The following ENOX2 variants were observed in gnomAD, a reference collection of about 807,000 sequenced individuals.
The protein encoded by ENOX2 is ecto-NOX disulfide-thiol exchanger 2.
In ENOX2, 36 loss-of-function variants were observed where a neutral mutation model predicts 45.0. That is an observed-to-expected ratio of 0.80 (90% CI 0.61 to 1.06). The LOEUF (loss-of-function observed/expected upper bound fraction) is 1.06, where lower values mean the gene tolerates loss of function less well. Among genes scored for constraint, ENOX2 ranks in the 50% least tolerant of loss-of-function variants. The probability of loss-of-function intolerance (pLI) is 0.00; values close to 1 mark genes in which losing one functional copy is unlikely to be tolerated. For synonymous variants in ENOX2, 174 were observed against 152.3 expected (o/e 1.14, Z -1.05); for missense variants, 423 against 462.5 (o/e 0.91, Z 0.78).
chrX:130,681,189 T>C (rs1283398943), intron 5 of ENOX2, among the ~76,000 whole-genome samples: 1 of 111,933 alleles, frequency 8.9e-6, no homozygotes, highest in African/African-American at 3.2e-5. Flanking sequence ...TGGGCCAAAA[T>C]AGAGAAGATG....
chrX:130,746,102 T>C (rs1229562301), intron 3 of ENOX2, among the ~76,000 whole-genome samples: 3 of 112,086 alleles, frequency 2.7e-5, no homozygotes, highest in Non-Finnish European at 3.8e-5. Context: ...CAAGAAGCCA[T>C]CTATGCTGTA....
At chrX:130,843,544 T>A (rs1240662728) in intron 2 of ENOX2, among the ~76,000 whole-genome samples, 1 of 111,177 alleles carries the variant, frequency 9.0e-6, no homozygotes, top group East Asian at 2.8e-4. Flanking sequence ...TAAGGTCCTT[T>A]ACGACTTGGT....
intron 2 of ENOX2, among the ~76,000 whole-genome samples, chrX:130,792,567 G>T (rs980385960): frequency 8.9e-6 from 1 of 111,856 alleles, no homozygotes; most frequent in Admixed American, 9.4e-5. Context: ...GGCCGAGGTG[G>T]GTGGATCACG....
chrX:130,734,481 G>A (rs2038814016), intron 3 of ENOX2, among the ~76,000 whole-genome samples: 1 of 111,740 alleles, frequency 8.9e-6, no homozygotes. Context: ...AGAGGGCTGC[G>A]AGTTGTAGAG....
At chrX:130,645,189 T>C (rs1172246362) in intron 10 of ENOX2, among the ~76,000 whole-genome samples, 1 of 112,450 alleles carries the variant, frequency 8.9e-6, no homozygotes, top group East Asian at 2.8e-4. Flanking sequence ...TATTTCAAAA[T>C]ATTTAATCAG....
At chrX:130,635,924 A>G (rs1325969800) in intron 11 of ENOX2, among the ~76,000 whole-genome samples, 1 of 112,662 alleles carries the variant, frequency 8.9e-6, no homozygotes, top group Non-Finnish European at 1.9e-5. Context: ...ATTCTCACTG[A>G]GGTCTTTGAA....
intron 3 of ENOX2, among the ~76,000 whole-genome samples, chrX:130,782,329 C>T (rs762303973): frequency 9.0e-6 from 1 of 111,688 alleles, no homozygotes; most frequent in South Asian, 3.8e-4. Context: ...GCTTTAGTAT[C>T]ACTTTTACTT....
intron 2 of ENOX2, among the ~76,000 whole-genome samples, chrX:130,798,317 G>A (rs1015601229): frequency 8.9e-6 from 1 of 112,641 alleles, no homozygotes; most frequent in Non-Finnish European, 1.9e-5. Context: ...TGTGCAGCCA[G>A]AATTGAGAAA....
chrX:130,672,615 A>G (rs1187431230), intron 6 of ENOX2, among the ~76,000 whole-genome samples: 1 of 112,252 alleles, frequency 8.9e-6, no homozygotes, highest in African/African-American at 3.2e-5. Context: ...GTGAGCCACA[A>G]AGCTGTCTGT....
At chrX:130,840,514 TCTTTTAAA>T (rs1329114526) in intron 2 of ENOX2, among the ~76,000 whole-genome samples, 1 of 104,023 alleles carries the variant, frequency 9.6e-6, no homozygotes, top group African/African-American at 3.6e-5. Flanking sequence ...AGATTTTCTC[TCTTTTAAA>T]AAATAAATAA....
At chrX:130,735,522 C>G (rs749102644) in intron 3 of ENOX2, among the ~76,000 whole-genome samples, 2 of 111,781 alleles carry the variant, frequency 1.8e-5, no homozygotes, top group Non-Finnish European at 3.8e-5. Context: ...AAATGGAAAC[C>G]TCTTGCCATT....
intron 2 of ENOX2, among the ~76,000 whole-genome samples, chrX:130,897,099 A>G (rs2079068855): frequency 8.9e-6 from 1 of 112,214 alleles, no homozygotes; most frequent in African/African-American, 3.2e-5. Context: ...ATCGGCTCCC[A>G]TGAGACACAT....
At chrX:130,665,795 G>T in intron 8 of ENOX2, 46 bp from the exon 9 acceptor site, 1 of 796,390 alleles carries the variant, frequency 1.3e-6, no homozygotes, top group Non-Finnish European at 1.9e-6. Flanking sequence ...GTATCATCCA[G>T]GGATGGAAAA....
intron 3 of ENOX2, among the ~76,000 whole-genome samples, chrX:130,736,192 C>T (rs1001974173): frequency 9.0e-6 from 1 of 110,512 alleles, no homozygotes; most frequent in African/African-American, 3.3e-5. Context: ...AGTGAAACAC[C>T]GTCTCTACTA....
intron 9 of ENOX2, among the ~76,000 whole-genome samples, chrX:130,665,263 T>C (rs1035177277): frequency 8.9e-6 from 1 of 112,207 alleles, no homozygotes; most frequent in African/African-American, 3.2e-5. Flanking sequence ...GCTTCCGTCC[T>C]TCACTGTCAA....
intron 3 of ENOX2, among the ~76,000 whole-genome samples, chrX:130,726,175 AC>A (rs2038600839): frequency 8.9e-6 from 1 of 112,295 alleles, no homozygotes; most frequent in Admixed American, 9.4e-5. Flanking sequence ...GGCAGAACCC[AC>A]AAGTCTTTAT....
chrX:130,800,571 T>A (rs191399165), intron 2 of ENOX2, among the ~76,000 whole-genome samples: 1,734 of 112,038 alleles, frequency 0.015, 43 homozygotes, highest in African/African-American at 0.053. Flanking sequence ...GTCTTTTTTT[T>A]TAAGCTCCTT....
rs1394466265 is a variant in ENOX2 at position 130,777,920 on chromosome X, G to A, written c.-39+5627C>T. Among the ~76,000 whole-genome samples the A allele has an allele frequency of 2.7e-5, 3 of 112,029 alleles. No individual in the cohort carries two copies. In the Admixed American group the frequency reaches 2.8e-4, roughly 11 times the overall value. ...CAAAGGACTAAAGAAACTGAGTAGG[G>A]CTATTAGTCTACCCTTTTTCTTATT... On this transcript the variant is annotated intron_variant, in intron 3 of 14. Transcript: ENST00000394363.
intron 2 of ENOX2, among the ~76,000 whole-genome samples, chrX:130,885,455 A>C (rs2078885042): frequency 8.9e-6 from 1 of 112,193 alleles, no homozygotes; most frequent in African/African-American, 3.2e-5. Flanking sequence ...ATATTAAATC[A>C]CTGTCTAAAT....
Sources: gnomAD v4.1 joint callset for allele counts (sites outside exome capture counted in the v4.1 genomes callset) on GRCh38, gnomAD v4.1.1 for gene constraint, MANE v1.5 for transcripts, NCBI Gene and HGNC (gene_info 2026-07-23, HGNC 2026-07-21) for gene names.